Variants in ACYP2 observed in about 807,000 individuals in gnomAD.
ACYP2 encodes acylphosphatase-2.
Under a neutral mutation model 11.2 loss-of-function variants are expected in ACYP2, and 12 were observed. The ratio of observed to expected loss-of-function variants is 1.08; its 90% confidence interval spans 0.69 to 1.74. The LOEUF is 1.74. Among genes scored for constraint, ACYP2 ranks in the 40% most tolerant of loss-of-function variants. The pLI, the probability that ACYP2 is intolerant of heterozygous loss-of-function variation, is 0.00. For synonymous variants in ACYP2, 43 were observed against 32.2 expected (o/e 1.33, Z -1.13); for missense variants, 134 against 101.9 (o/e 1.31, Z -1.35).
At chr2:54,279,860 A>G (rs1573042441) in intron 6 of ACYP2, among the ~76,000 whole-genome samples, 1 of 152,130 alleles carries the variant, frequency 6.6e-6, no homozygotes, top group Admixed American at 6.5e-5. Flanking sequence ...GGACAATGCC[A>G]TATTTGTCTT....
chr2:54,089,900 C>A (rs1403560576), intron 4 of ACYP2, among the ~76,000 whole-genome samples: 1 of 152,096 alleles, frequency 6.6e-6, no homozygotes, highest in African/African-American at 2.4e-5. Context: ...AATCCTAGCA[C>A]TTTGGGAGGC....
chr2:54,141,865 T>G (rs2103789991), intron 6 of ACYP2: 1 of 634,902 alleles, frequency 1.6e-6, no homozygotes, highest in South Asian at 1.8e-5. Context: ...GAGACAAGGG[T>G]CTTGCTCTCT....
At chr2:54,249,434 CA>C (rs55649227) in intron 6 of ACYP2, among the ~76,000 whole-genome samples, 215 of 94,640 alleles carry the variant, frequency 2.3e-3, no homozygotes, top group East Asian at 6.7e-3. Context: ...GACTCCGTCT[CA>C]AAAAAAAAAA....
intron 6 of ACYP2, among the ~76,000 whole-genome samples, chr2:54,174,519 T>C (rs1001997650): frequency 3.9e-5 from 6 of 152,158 alleles, no homozygotes; most frequent in African/African-American, 1.4e-4. Context: ...CCTTTATTTC[T>C]TTTTCTTGCC....
intron 6 of ACYP2, among the ~76,000 whole-genome samples, chr2:54,221,260 T>C (rs1450936019): frequency 6.6e-6 from 1 of 152,158 alleles, no homozygotes; most frequent in Admixed American, 6.6e-5. Flanking sequence ...TGAAAATAAA[T>C]GTTTGTTATT....
At chr2:54,141,046 C>T (rs1213529702) in intron 6 of ACYP2, among the ~76,000 whole-genome samples, 1 of 152,138 alleles carries the variant, frequency 6.6e-6, no homozygotes, top group South Asian at 2.1e-4. Context: ...TTGCATTTCT[C>T]TAATGACTAG....
intron 2 of ACYP2, among the ~76,000 whole-genome samples, chr2:53,999,476 G>T (rs543453323): frequency 1.3e-5 from 2 of 152,258 alleles, no homozygotes; most frequent in East Asian, 3.9e-4. Flanking sequence ...GCTCTATTTT[G>T]CAGGTGAAAC....
Position 54,089,346 on chromosome 2 carries a change from C to T in ACYP2, c.277+31986C>T, listed in dbSNP as rs1037714173. Among the ~76,000 whole-genome samples the T allele has an allele frequency of 2.6e-5, 4 of 152,042 alleles. No individual in the cohort carries two copies. In the South Asian group the frequency reaches 8.3e-4, roughly 32 times the overall value. On this transcript the variant is annotated intron_variant, in intron 4 of 6. Transcript: ENST00000607452. ...GTGCCTCATGCCTGTGATCCTAGCA[C>T]TTTGTGAGGCCAAGACAGGAGAGGA...
chr2:54,293,142 G>A (rs1024382273), intron 6 of ACYP2, among the ~76,000 whole-genome samples: 2 of 152,168 alleles, frequency 1.3e-5, no homozygotes, highest in South Asian at 2.1e-4. Context: ...GAGGCACTGA[G>A]AGTTTAAGAA....
At chr2:54,086,405 G>C (rs866654239) in intron 4 of ACYP2, among the ~76,000 whole-genome samples, 35 of 152,318 alleles carry the variant, frequency 2.3e-4, no homozygotes, top group African/African-American at 7.7e-4. Flanking sequence ...GAGGACTTCA[G>C]ATGGGAGAGG....
chr2:54,207,436 C>G (rs924259145), intron 6 of ACYP2, among the ~76,000 whole-genome samples: 9 of 152,120 alleles, frequency 5.9e-5, no homozygotes, highest in South Asian at 4.2e-4. Flanking sequence ...TGACACCCAC[C>G]CACATTATGG....
At chr2:54,185,379 C>T (rs966379064) in intron 6 of ACYP2, among the ~76,000 whole-genome samples, 1 of 152,122 alleles carries the variant, frequency 6.6e-6, no homozygotes, top group Non-Finnish European at 1.5e-5. Flanking sequence ...GATGGCAGAG[C>T]TGGAAGATAG....
chr2:54,120,238 A>G (rs2103739151), intron 4 of ACYP2, among the ~76,000 whole-genome samples: 1 of 152,170 alleles, frequency 6.6e-6, no homozygotes, highest in Non-Finnish European at 1.5e-5. Flanking sequence ...TTTTTTCCCC[A>G]TCAACTTCCC....
At chr2:54,050,277 G>A (rs781318338) in intron 2 of ACYP2, among the ~76,000 whole-genome samples, 2 of 152,150 alleles carry the variant, frequency 1.3e-5, no homozygotes, top group Non-Finnish European at 2.9e-5. Flanking sequence ...TGCAGGTGCT[G>A]TGGCTCTTGC....
intron 2 of ACYP2, among the ~76,000 whole-genome samples, chr2:54,015,606 G>C (rs2104540986): frequency 6.6e-6 from 1 of 151,374 alleles, no homozygotes; most frequent in Middle Eastern, 3.4e-3. Context: ...CCATGATTGT[G>C]CCACTGCACT....
At chr2:53,989,961 A>C (rs1672206114) in intron 2 of ACYP2, among the ~76,000 whole-genome samples, 1 of 146,490 alleles carries the variant, frequency 6.8e-6, no homozygotes, top group Middle Eastern at 3.2e-3. Flanking sequence ...TGAGTTACAT[A>C]AACCCTTTTC....
chr2:54,251,091 A>G (rs1315481108), intron 6 of ACYP2, among the ~76,000 whole-genome samples: 1 of 152,242 alleles, frequency 6.6e-6, no homozygotes, highest in Admixed American at 6.5e-5. Flanking sequence ...ATCATGAGCC[A>G]TTATTAAAGA....
chr2:54,170,055 C>G (rs1683160971), intron 6 of ACYP2, among the ~76,000 whole-genome samples: 1 of 152,080 alleles, frequency 6.6e-6, no homozygotes, highest in South Asian at 2.1e-4. Context: ...TTTTATATGA[C>G]TTTTGGTTAA....
chr2:54,281,327 A>G (rs1688840513), intron 6 of ACYP2, among the ~76,000 whole-genome samples: 1 of 152,196 alleles, frequency 6.6e-6, no homozygotes. Context: ...CAGTTATCAA[A>G]TTAAGTACCA....
Sources: allele counts gnomAD v4.1 joint callset (sites outside exome capture counted in the v4.1 genomes callset), GRCh38; gene constraint gnomAD v4.1.1; transcripts MANE v1.5; gene names NCBI Gene and HGNC (gene_info 2026-07-23, HGNC 2026-07-21).